The following GNE variants were observed in gnomAD, a reference collection of about 807,000 sequenced individuals.
GNE encodes glucosamine (UDP-N-acetyl)-2-epimerase/N-acetylmannosamine kinase.
Under a neutral mutation model 61.8 loss-of-function variants are expected in GNE, and 41 were observed. The ratio of observed to expected loss-of-function variants is 0.66; its 90% CI spans 0.52 to 0.86. The LOEUF is 0.86. GNE is among the 40% of genes least tolerant of loss of function. GNE has a pLI of 0.00. For synonymous variants in GNE, 264 were observed against 326.4 expected, an observed-to-expected ratio of 0.81 and a Z score of 2.06; for missense variants, 608 against 909.1, an observed-to-expected ratio of 0.67 and a Z score of 4.26.
At chr9:36,222,593 T>C (rs538060896) in intron 9 of GNE, among the ~76,000 whole-genome samples, 184 bp downstream of exon 9, 1 of 152,264 alleles carries the variant, frequency 6.6e-6, no homozygotes, top group South Asian at 2.1e-4. Flanking sequence ...TCCTGGAATT[T>C]AGAAGGCCAC....
At chr9:36,263,129 T>A (rs1245898336), upstream of GNE, 1 of 152,574 alleles carries the variant, frequency 6.6e-6, no homozygotes, top group Non-Finnish European at 1.5e-5. Context: ...AACTAGAGCA[T>A]TGCACTTTAT....
rs527729397 is a variant in GNE at position 36,255,575 on chromosome 9, C to T, written c.-43+2746G>A. On this transcript the variant is annotated intron_variant, in intron 1 of 11. Coordinates refer to ENST00000642385, the MANE Select transcript of GNE (RefSeq NM_005476.7). ...CTTTTCCCTGAAAGAAACTATAGTA[C>T]GAATTGGAAAAGGACCACTGCACTC... is the stretch of plus-strand genomic sequence containing the variant. Among the ~76,000 whole-genome samples the T allele has an allele frequency of 2.4e-4, 37 of 151,988 alleles. No individual in the cohort carries two copies. In the South Asian group the frequency reaches 7.7e-3, roughly 32 times the overall value.
intron 1 of GNE, among the ~76,000 whole-genome samples, chr9:36,250,189 A>G (rs973737860): frequency 1.3e-5 from 2 of 152,164 alleles, no homozygotes; most frequent in Non-Finnish European, 2.9e-5. Context: ...AACATTCCAG[A>G]TCATGTCTCA....
chr9:36,256,973 G>A (rs1409418144), intron 1 of GNE, among the ~76,000 whole-genome samples: 3 of 152,146 alleles, frequency 2.0e-5, no homozygotes, highest in Non-Finnish European at 2.9e-5. Context: ...TTGGGAAGCC[G>A]AGATGGGCGG....
At chr9:36,225,027 T>G (rs2133033956) in intron 7 of GNE, among the ~76,000 whole-genome samples, 2 of 152,364 alleles carry the variant, frequency 1.3e-5, no homozygotes, top group South Asian at 2.1e-4. Flanking sequence ...TTACAATAAT[T>G]TTACTAAATG....
At chr9:36,228,333 A>C (rs1177163030) in intron 6 of GNE, among the ~76,000 whole-genome samples, 1 of 152,082 alleles carries the variant, frequency 6.6e-6, no homozygotes, top group Non-Finnish European at 1.5e-5. Context: ...ATATTCAAAT[A>C]CAGGGAAATC....
intron 9 of GNE, among the ~76,000 whole-genome samples, chr9:36,222,275 C>T (rs971496343): frequency 1.1e-4 from 17 of 151,732 alleles, no homozygotes; most frequent in Non-Finnish European, 1.5e-4. Context: ...AAAAATTAGC[C>T]GGGCGTAGTG....
At chr9:36,269,630 C>G (rs1254517303) in intron 1 of GNE, among the ~76,000 whole-genome samples, 1 of 150,734 alleles carries the variant, frequency 6.6e-6, no homozygotes, top group Non-Finnish European at 1.5e-5. Flanking sequence ...AAAATGTTAT[C>G]TCAGTTTATG....
chr9:36,235,100 A>C (rs992756941), intron 4 of GNE, among the ~76,000 whole-genome samples: 1 of 152,208 alleles, frequency 6.6e-6, no homozygotes, highest in African/African-American at 2.4e-5. Context: ...CCCCAATCTG[A>C]ACATCCAAAA....
chr9:36,227,594 C>T lies in GNE; in HGVS notation c.1071-136G>A. ...TTCTTCCTAAAGTGACATCTTCCTGCCGTGCACAGTGGCTCACACCTGTAA... is the reference window on the plus strand; with the variant it reads ...TTCTTCCTAAAGTGACATCTTCCTGTCGTGCACAGTGGCTCACACCTGTAA... On this transcript the variant is annotated intron_variant, in intron 6 of 11. Coordinates refer to ENST00000642385, the MANE Select transcript of GNE (RefSeq NM_005476.7). 5.8e-6 allele frequency: 4 copies of T among 695,386 alleles called. No individual in the cohort carries two copies. The South Asian group carries it at 6.6e-5, about 11-fold the overall frequency. The allele number at this position is 695,386 out of a possible 1,614,324, so 43.1% of individuals were successfully genotyped here. A position where few individuals can be genotyped will look rare whatever the true frequency, so the allele number is the denominator to read the frequency against.
Position 36,217,070 on chromosome 9 carries a change from A to C in GNE, c.*295T>G, listed in dbSNP as rs1421348925. The C allele has an allele frequency of 9.0e-6, 4 of 444,638 alleles. No homozygotes were observed. Among genetic ancestry groups the C allele is most frequent in the Non-Finnish European group, 1.7e-5 (4 of 239,498 alleles). The allele number at this position is 444,638 out of a possible 1,614,324, so 27.5% of individuals were successfully genotyped here. On this transcript the variant is annotated 3_prime_UTR_variant, in exon 12 of 12. Coordinates refer to ENST00000642385, the MANE Select transcript of GNE (RefSeq NM_005476.7). ...ATACATTAGTAAGCAGAGTTCTAAG[A>C]AGGCTTCCTCTCTATTATTGTAGCT...
chr9:36,223,483 T>C lies in GNE; in HGVS notation c.1301A>G (p.Tyr434Cys), dbSNP rs1447770049. ...VSMKGEIVKK[Y>C]TQFNPKTYEE... is the part of the protein sequence containing the mutation. The stretch of plus-strand genomic sequence containing the variant: ...ATAGGTTTTAGGATTGAACTGAGTA[T>C]ACTTCTTAACTATTTCACCCTAAAA... Residue 434 changes from tyrosine to cysteine, a missense_variant, in exon 8 of 12, where the codon TAT becomes TGT. Transcript: ENST00000642385. 6.2e-7 allele frequency: 1 copy of C among 1,610,620 alleles called. No homozygotes were observed.
intron 3 of GNE, among the ~76,000 whole-genome samples, chr9:36,242,861 T>C (rs1829704401): frequency 6.8e-6 from 1 of 148,082 alleles, no homozygotes; most frequent in Non-Finnish European, 1.5e-5. Context: ...TGCCTCAGCC[T>C]CCTGAGTAGC....
intron 3 of GNE, among the ~76,000 whole-genome samples, chr9:36,242,732 G>GTTTTTT (rs34441447): frequency 4.2e-5 from 4 of 96,000 alleles, no homozygotes; most frequent in East Asian, 2.9e-4. Context: ...TTTTATGCTT[G>GTTTTTT]TTTTTTTTTT....
intron 4 of GNE, among the ~76,000 whole-genome samples, chr9:36,235,590 A>G (rs1829358653): frequency 6.6e-6 from 1 of 152,242 alleles, no homozygotes; most frequent in African/African-American, 2.4e-5. Context: ...AGAATGATAC[A>G]TAGTTACATT....
chr9:36,227,630 T>C (rs1828941423), intron 6 of GNE, among the ~76,000 whole-genome samples, 172 bp from the exon 7 acceptor site: 1 of 152,162 alleles, frequency 6.6e-6, no homozygotes, highest in African/African-American at 2.4e-5. Context: ...TCCCAGCACT[T>C]TGGGGGGCTG....
chr9:36,233,160 CTAA>C (rs1563937734), intron 5 of GNE, among the ~76,000 whole-genome samples: 2 of 152,136 alleles, frequency 1.3e-5, no homozygotes. Flanking sequence ...AGAACTTGAA[CTAA>C]TGTTAATAAC....
intron 1 of GNE, among the ~76,000 whole-genome samples, chr9:36,266,243 C>G (rs1477305951): frequency 6.6e-6 from 1 of 152,186 alleles, no homozygotes; most frequent in Non-Finnish European, 1.5e-5. Context: ...GCCTGCGGCC[C>G]AGTTCTTAAC....
rs968842089 is a variant in GNE, at chr9:36,227,310, G to C, written c.1219C>G (p.Leu407Val). 11 of 1,613,588 alleles carry C rather than the reference G, an allele frequency of 6.8e-6. No homozygotes were observed. Among genetic ancestry groups the C allele is most frequent in the African/African-American group, 2.7e-5 (2 of 74,908 alleles). Residue 407 changes from leucine to valine, a missense_variant, in exon 7 of 12, where the codon CTA (leucine) becomes GTA (valine). Leu to Val is a conservative substitution (Grantham distance 32). Coordinates refer to ENST00000642385, the MANE Select transcript of GNE (RefSeq NM_005476.7). ...CCAAGATCAACGGCCAAGGCACTTA[G>C]AGTTTCAAGAATATGGTCAATATCT... ...SQDIDHILETLSALAVDLGGT... is the reference protein window; with the variant it reads ...SQDIDHILETVSALAVDLGGT...
Sources: gnomAD v4.1 joint callset for allele counts (sites outside exome capture counted in the v4.1 genomes callset) on GRCh38, gnomAD v4.1.1 for gene constraint, MANE v1.5 for transcripts, NCBI Gene and HGNC (gene_info 2026-07-23, HGNC 2026-07-21) for gene names.